FKBP6: variants seen among roughly 807,000 people sequenced by gnomAD.
FKBP6 encodes inactive peptidyl-prolyl cis-trans isomerase FKBP6.
A neutral mutation model predicts 41.7 loss-of-function variants in FKBP6; 29 were observed. The observed-to-expected ratio is 0.70, with a 90% CI of 0.52 to 0.95. The LOEUF (loss-of-function observed/expected upper bound fraction) is 0.95. Ranked by LOEUF, FKBP6 falls within the 40% of genes least tolerant of loss-of-function variation. The probability of loss-of-function intolerance (pLI) is 0.00; values close to 1 mark genes in which losing one functional copy is unlikely to be tolerated. For synonymous variants in FKBP6, 130 were observed against 165.1 expected, an observed-to-expected ratio of 0.79 and a Z score of 1.63; for missense variants, 338 against 408.7, an observed-to-expected ratio of 0.83 and a Z score of 1.49.
intron 5 of FKBP6, chr7:73,339,295 A>G (rs781933889): frequency 6.6e-6 from 1 of 152,190 alleles, no homozygotes; most frequent in African/African-American, 2.4e-5. Flanking sequence ...TTGCATGTTG[A>G]TAGTCTCTCG....
chr7:73,341,446 C>A (rs577838585), intron 7 of FKBP6, 64 bp downstream of exon 7: 16 of 1,002,136 alleles, frequency 1.6e-5, no homozygotes, highest in Non-Finnish European at 2.2e-5. Context: ...TCTGTCCCCC[C>A]ACCCCCCCCA....
chr7:73,331,229 T>C (rs1563310965), intron 4 of FKBP6, among the ~76,000 whole-genome samples: 1 of 152,210 alleles, frequency 6.6e-6, no homozygotes, highest in Admixed American at 6.5e-5. Context: ...AACCAAGACC[T>C]GTTCAGTGCT....
At position 73,330,159 on chromosome 7, in the gene FKBP6, T is replaced by C. The variant is rs782053011; in HGVS notation, c.275T>C (p.Leu92Pro). The C allele has an allele frequency of 1.2e-6, 2 of 1,613,348 alleles. No homozygotes were observed. Among genetic ancestry groups the C allele is most frequent in the Non-Finnish European group, 1.7e-6 (2 of 1,179,322 alleles). ...TTGTCCATTCTTACAGATATTACACTGTGGGGCATGGAGCTGGGCCTTCTG... is the reference window on the plus strand; with the variant it reads ...TTGTCCATTCTTACAGATATTACACCGTGGGGCATGGAGCTGGGCCTTCTG... Reference protein sequence around the residue: ...RLMKLGEDITLWGMELGLLSM... With the variant: ...RLMKLGEDITPWGMELGLLSM... Residue 92 changes from leucine (L) to proline (P), a missense_variant, in exon 4 of 9, where the codon CTG becomes CCG. Leu to Pro is a moderately conservative substitution (Grantham distance 98, BLOSUM62 -3). Around this residue, in one of 2 missense-constraint regions of FKBP6, gnomAD observed 99 missense variants for 158.6 expected, o/e 0.62. Coordinates refer to ENST00000252037, the MANE Select transcript of FKBP6 (RefSeq NM_003602.5).
At chr7:73,330,619 C>T (rs1554547532) in intron 4 of FKBP6, among the ~76,000 whole-genome samples, 1 of 152,158 alleles carries the variant, frequency 6.6e-6, no homozygotes, top group South Asian at 2.1e-4. Context: ...TCATCCTTTG[C>T]CTAGTTCTCC....
intron 5 of FKBP6, among the ~76,000 whole-genome samples, chr7:73,335,214 A>G (rs1365712939): frequency 2.0e-5 from 3 of 152,030 alleles, no homozygotes; most frequent in African/African-American, 7.2e-5. Flanking sequence ...CCTCTTTCAC[A>G]GAGGGTTTCC....
At chr7:73,352,904 C>T (rs1805529462) in intron 8 of FKBP6, among the ~76,000 whole-genome samples, 2 of 152,152 alleles carry the variant, frequency 1.3e-5, no homozygotes, top group African/African-American at 4.8e-5. Flanking sequence ...ATCCTGAGGT[C>T]ATACAGCTTC....
At position 73,328,700 on chromosome 7, in the gene FKBP6, C is replaced by T. The variant is rs372557515; in HGVS notation, c.175+8C>T. ...CTGATGCTTCGGTGCTAGGTACGCCCTGGGGCGGTTTGTCCTCAGGATCCA... is the reference window on the plus strand; with the variant it reads ...CTGATGCTTCGGTGCTAGGTACGCCTTGGGGCGGTTTGTCCTCAGGATCCA... On this transcript the variant is annotated splice_region_variant and intron_variant, in intron 2 of 8. Transcript: ENST00000252037. 1 of 1,611,804 alleles carries T rather than the reference C, an allele frequency of 6.2e-7. No homozygotes were observed. Among genetic ancestry groups the T allele is most frequent in the Non-Finnish European group, 8.5e-7 (1 of 1,179,836 alleles).
intron 8 of FKBP6, among the ~76,000 whole-genome samples, chr7:73,356,065 C>CAAAAAAAAAA (rs71925165): frequency 6.2e-5 from 2 of 32,198 alleles, no homozygotes; most frequent in African/African-American, 1.8e-4. Context: ...GACTCTGTCT[C>CAAAAAAAAAA]AAAAAAAAAA....
rs782364418 is a variant in FKBP6 at position 73,330,263 on chromosome 7, A to T, written c.379A>T (p.Ile127Phe). ...AYGTLGCPPL[I>F]PPNTTVLFEI... ...TGGAACGCTGGGCTGCCCTCCCTTGATCCCCCCAAACACCACTGTCCTGTT... is the reference window on the plus strand; with the variant it reads ...TGGAACGCTGGGCTGCCCTCCCTTGTTCCCCCCAAACACCACTGTCCTGTT... Residue 127 changes from isoleucine to phenylalanine, a missense_variant, in exon 4 of 9, where the codon ATC (isoleucine) becomes TTC (phenylalanine). By Grantham distance (21) the Ile-to-Phe change is conservative. Transcript: ENST00000252037. The T allele has an allele frequency of 6.2e-7, 1 of 1,614,070 alleles. No individual in the cohort carries two copies. The highest frequency in any genetic ancestry group is 8.5e-7 in the Non-Finnish European group (1 of 1,179,966).
chr7:73,343,962 TA>T (rs1309938121), intron 8 of FKBP6, among the ~76,000 whole-genome samples: 2 of 152,206 alleles, frequency 1.3e-5, no homozygotes, highest in Non-Finnish European at 2.9e-5. Context: ...TAGCGGTCCA[TA>T]AACTGCTGCT....
chr7:73,331,441 G>A lies in FKBP6; in HGVS notation c.469-216G>A, dbSNP rs1036544557. On this transcript the variant is annotated intron_variant, in intron 4 of 8. Coordinates refer to ENST00000252037, the MANE Select transcript of FKBP6 (RefSeq NM_003602.5). ...CAGATTCAGAGGTGACTCCAACACA[G>A]AAGGCTGTAAACAGAAGTGCATGAT... Among the ~76,000 whole-genome samples, 5 of 152,246 alleles carry A rather than the reference G, an allele frequency of 3.3e-5. No individual in the cohort carries two copies. In the East Asian group the frequency reaches 9.6e-4, roughly 29 times the overall value.
chr7:73,346,232 GC>G (rs1805329334), intron 8 of FKBP6, among the ~76,000 whole-genome samples: 1 of 152,194 alleles, frequency 6.6e-6, no homozygotes, highest in South Asian at 2.1e-4. Flanking sequence ...AGCCATGCCT[GC>G]CCTGCCCCGC....
At chr7:73,356,905 C>T (rs556466786) in intron 8 of FKBP6, among the ~76,000 whole-genome samples, 21 of 152,230 alleles carry the variant, frequency 1.4e-4, no homozygotes, top group Admixed American at 1.0e-3. Context: ...CTCAGCCTCC[C>T]GAGTAGCTGG....
chr7:73,343,274 G>GCCT (rs1805245714), intron 8 of FKBP6, among the ~76,000 whole-genome samples: 1 of 152,166 alleles, frequency 6.6e-6, no homozygotes, highest in Non-Finnish European at 1.5e-5. Context: ...TTCTGCCTCA[G>GCCT]CCTCCTGAGT....
chr7:73,332,156 G>A (rs1476071639), intron 5 of FKBP6, among the ~76,000 whole-genome samples: 3 of 151,928 alleles, frequency 2.0e-5, no homozygotes, highest in African/African-American at 4.8e-5. Context: ...GAGCTACCGC[G>A]CCCGGCAAAA....
chr7:73,337,851 C>T (rs1554548808), intron 5 of FKBP6, among the ~76,000 whole-genome samples: 1 of 152,184 alleles, frequency 6.6e-6, no homozygotes, highest in African/African-American at 2.4e-5. Context: ...CGAAATGAAA[C>T]TCACAATTCT....
intron 5 of FKBP6, among the ~76,000 whole-genome samples, chr7:73,340,343 A>T (rs1411008041): frequency 6.6e-6 from 1 of 151,778 alleles, no homozygotes; most frequent in Non-Finnish European, 1.5e-5. Flanking sequence ...CCTGGCCAAA[A>T]TGGTCATATT....
At position 73,331,520 on chromosome 7, in the gene FKBP6, T is replaced by A. The variant is rs1332146584; in HGVS notation, c.469-137T>A. ...AACACTTCCTTTCTTTCAATTACTA[T>A]TTTTTTAAATGGAGACATGTTCTCA... On this transcript the variant is annotated intron_variant, in intron 4 of 8. Coordinates refer to ENST00000252037, the MANE Select transcript of FKBP6 (RefSeq NM_003602.5). The A allele has an allele frequency of 4.9e-6, 4 of 814,352 alleles. No individual in the cohort carries two copies. In the East Asian group the frequency reaches 1.0e-4, roughly 21 times the overall value. 50.4% of individuals were successfully genotyped at this position (814,352 alleles called of 1,614,324 possible).
intron 5 of FKBP6, among the ~76,000 whole-genome samples, chr7:73,338,269 G>A (rs1458807717): frequency 2.0e-5 from 3 of 152,032 alleles, no homozygotes; most frequent in African/African-American, 4.8e-5. Context: ...CAGATGATCC[G>A]CCCACCTCAG....
Sources: gnomAD v4.1 joint callset for allele counts (sites outside exome capture counted in the v4.1 genomes callset) on GRCh38, gnomAD v4.1.1 for gene constraint, gnomAD v4.1.1 regional missense constraint, MANE v1.5 for transcripts, NCBI Gene and HGNC (gene_info 2026-07-23, HGNC 2026-07-21) for gene names.